ZNF365: variants seen among roughly 807,000 people sequenced by gnomAD.
The protein encoded by ZNF365 is zinc finger protein 365.
ZNF365 carries 22 observed loss-of-function variants against 35.0 expected under a neutral mutation model. The observed-to-expected ratio is 0.63, with a 90% CI of 0.45 to 0.90. The LOEUF is 0.90. Among genes scored for constraint, ZNF365 ranks in the 40% least tolerant of loss-of-function variants. ZNF365 has a pLI of 0.00. For synonymous variants in ZNF365, 188 were observed against 196.2 expected (o/e 0.96, Z 0.35); for missense variants, 448 against 500.3 (o/e 0.90, Z 1.00).
rs1284795130 is a variant in ZNF365 at position 62,401,587 on chromosome 10, T to C, written c.*1798T>C. The C allele has an allele frequency of 4.1e-6, 4 of 984,292 alleles. No individual in the cohort carries two copies. Among genetic ancestry groups the C allele is most frequent in the Non-Finnish European group, 3.6e-6 (3 of 828,794 alleles). 61.0% of individuals were successfully genotyped at this position (984,292 alleles called of 1,614,324 possible). A position where few individuals can be genotyped will look rare whatever the true frequency, so the allele number is the denominator to read the frequency against. On this transcript the variant is annotated 3_prime_UTR_variant, in exon 5 of 5. Transcript: ENST00000395254. ...TAGGCTAACATTGTAAAAATTGTAA[T>C]GTTATAATTATTATTTATTTGGAGA...
At chr10:62,394,737 A>T (rs1386917829) in intron 3 of ZNF365, among the ~76,000 whole-genome samples, 1 of 152,180 alleles carries the variant, frequency 6.6e-6, no homozygotes, top group East Asian at 1.9e-4. Context: ...GGGGAAGGAA[A>T]TTTTTCCATA....
intron 3 of ZNF365, among the ~76,000 whole-genome samples, chr10:62,413,112 T>G (rs1261742717): frequency 6.6e-6 from 1 of 152,174 alleles, no homozygotes; most frequent in Non-Finnish European, 1.5e-5. Context: ...CTCTGGAATT[T>G]AGTAAAAGTA....
chr10:62,432,535 A>G (rs151000331), intron 3 of ZNF365, among the ~76,000 whole-genome samples: 18 of 152,328 alleles, frequency 1.2e-4, no homozygotes, highest in Admixed American at 6.5e-4. Context: ...AACCTAGCAC[A>G]GATGGATTGA....
At chr10:62,424,231 G>C (rs976643263) in intron 3 of ZNF365, among the ~76,000 whole-genome samples, 6 of 152,122 alleles carry the variant, frequency 3.9e-5, no homozygotes, top group Non-Finnish European at 8.8e-5. Flanking sequence ...CTGCCCCCTT[G>C]CTATCAAATT....
intron 2 of ZNF365, among the ~76,000 whole-genome samples, chr10:62,380,508 A>G (rs1839420233): frequency 6.6e-6 from 1 of 152,176 alleles, no homozygotes; most frequent in African/African-American, 2.4e-5. Context: ...GTGTTTGGAG[A>G]GTCAAAAGTT....
chr10:62,449,992 G>C (rs144272517), intron 3 of ZNF365, among the ~76,000 whole-genome samples: 53 of 151,404 alleles, frequency 3.5e-4, no homozygotes, highest in African/African-American at 1.3e-3. Context: ...AAGAGTGTAG[G>C]CTGGGTGCAG....
intron 3 of ZNF365, among the ~76,000 whole-genome samples, chr10:62,446,217 C>A (rs935664611): frequency 6.6e-6 from 1 of 152,160 alleles, no homozygotes. Flanking sequence ...GGTTTCCAGT[C>A]CCTGCTCCTG....
At chr10:62,439,018 A>C (rs1337974306) in intron 3 of ZNF365, among the ~76,000 whole-genome samples, 1 of 152,226 alleles carries the variant, frequency 6.6e-6, no homozygotes, top group African/African-American at 2.4e-5. Context: ...GTGCTCATTT[A>C]AGGTCATTTA....
chr10:62,475,673 C>T (rs1841118118), intron 4 of ZNF365, among the ~76,000 whole-genome samples: 1 of 152,134 alleles, frequency 6.6e-6, no homozygotes, highest in African/African-American at 2.4e-5. Context: ...AGGAAATGCC[C>T]CACGTTCTTC....
At chr10:62,416,374 G>A (rs1375074746) in intron 3 of ZNF365, among the ~76,000 whole-genome samples, 1 of 152,146 alleles carries the variant, frequency 6.6e-6, no homozygotes, top group African/African-American at 2.4e-5. Context: ...AAAGGGAAGT[G>A]CTTTCTCTAG....
At chr10:62,438,582 GA>G (rs1840445305) in intron 3 of ZNF365, among the ~76,000 whole-genome samples, 1 of 151,860 alleles carries the variant, frequency 6.6e-6, no homozygotes, top group Non-Finnish European at 1.5e-5. Context: ...ATAGATAAAG[GA>G]AAAAAACATG....
At chr10:62,435,548 G>T (rs1057323482) in intron 3 of ZNF365, among the ~76,000 whole-genome samples, 1 of 152,040 alleles carries the variant, frequency 6.6e-6, no homozygotes, top group Admixed American at 6.6e-5. Flanking sequence ...GATAACACTC[G>T]GCCAATAATA....
chr10:62,438,582 G>A (rs181763197), intron 3 of ZNF365, among the ~76,000 whole-genome samples: 12 of 151,978 alleles, frequency 7.9e-5, no homozygotes, highest in East Asian at 5.8e-4. Context: ...ATAGATAAAG[G>A]AAAAAAACAT....
chr10:62,382,281 C>T (rs2132411817), intron 2 of ZNF365, among the ~76,000 whole-genome samples: 1 of 152,164 alleles, frequency 6.6e-6, no homozygotes, highest in East Asian at 1.9e-4. Flanking sequence ...AGCTAGAAAG[C>T]AGGCCAAGAA....
At chr10:62,391,080 A>G (rs1839619697) in intron 3 of ZNF365, among the ~76,000 whole-genome samples, 1 of 152,200 alleles carries the variant, frequency 6.6e-6, no homozygotes, top group Admixed American at 6.5e-5. Flanking sequence ...TTTTCTCTCA[A>G]TAATAAATTA....
chr10:62,386,021 T>A (rs1839519967), intron 2 of ZNF365, among the ~76,000 whole-genome samples: 1 of 152,180 alleles, frequency 6.6e-6, no homozygotes, highest in Non-Finnish European at 1.5e-5. Context: ...AAATTTGGAT[T>A]CTCAGACTCC....
intron 3 of ZNF365, among the ~76,000 whole-genome samples, chr10:62,416,548 G>A (rs925106249): frequency 6.6e-6 from 1 of 152,142 alleles, no homozygotes; most frequent in African/African-American, 2.4e-5. Context: ...ATGTTTGAAA[G>A]GTCATGGATC....
In ZNF365 at chr10:62,380,387, C is replaced by T. The variant is rs1359687107; in HGVS notation, c.743+3451C>T. On this transcript the variant is annotated intron_variant, in intron 2 of 4. Coordinates refer to ENST00000395254, the MANE Select transcript of ZNF365 (RefSeq NM_014951.3). ...ATTATCTTAATAACATTTTCTTTAG[C>T]TTACTTTAAGAATACAGATATGTAA... is the stretch of plus-strand genomic sequence containing the variant. 3.3e-5 allele frequency among the ~76,000 whole-genome samples: 5 copies of T among 152,102 alleles called. No individual in the cohort carries two copies. The East Asian group carries it at 9.6e-4, about 29-fold the overall frequency.
At chr10:62,394,383 C>T (rs1839686716) in intron 3 of ZNF365, among the ~76,000 whole-genome samples, 1 of 152,204 alleles carries the variant, frequency 6.6e-6, no homozygotes, top group South Asian at 2.1e-4. Flanking sequence ...GCAGTTTCCT[C>T]AGTACCAGTA....
Sources: allele counts gnomAD v4.1 joint callset (sites outside exome capture counted in the v4.1 genomes callset), GRCh38; gene constraint gnomAD v4.1.1; transcripts MANE v1.5; gene names NCBI Gene and HGNC (gene_info 2026-07-23, HGNC 2026-07-21).